Variants in SUGCT observed in about 807,000 individuals in gnomAD.
SUGCT encodes the protein succinyl-CoA:glutarate CoA-transferase.
A neutral mutation model predicts 55.0 loss-of-function variants in SUGCT; 41 were observed. The observed-to-expected ratio is 0.74, with a 90% CI of 0.58 to 0.97. The LOEUF (loss-of-function observed/expected upper bound fraction) is 0.97. Ranked by LOEUF, SUGCT falls within the 50% of genes least tolerant of loss-of-function variation. The probability of loss-of-function intolerance (pLI) is 0.00; values close to 1 mark genes in which losing one functional copy is unlikely to be tolerated. For synonymous variants in SUGCT, 187 were observed against 200.4 expected (o/e 0.93, Z 0.56); for missense variants, 568 against 547.8 (o/e 1.04, Z -0.37).
At chr7:40,609,234 G>C (rs1798658055) in intron 12 of SUGCT, among the ~76,000 whole-genome samples, 1 of 152,106 alleles carries the variant, frequency 6.6e-6, no homozygotes, top group South Asian at 2.1e-4. Context: ...GTAAGTACCA[G>C]AGACCAGGAT....
chr7:40,249,329 A>C lies in SUGCT; in HGVS notation c.576+11603A>C, dbSNP rs1473007779. On this transcript the variant is annotated intron_variant, in intron 7 of 13. Coordinates refer to ENST00000335693, the MANE Select transcript of SUGCT (RefSeq NM_001193313.2). ...ACCAAAAAGCTATATATATATATAT[A>C]TATATATATATATATATAATTATAT... Among the ~76,000 whole-genome samples, 57 of 118,594 alleles carry C rather than the reference A, an allele frequency of 4.8e-4. 4 individuals are homozygous for C. Among genetic ancestry groups the C allele is most frequent in the African/African-American group, 1.7e-3 (49 of 29,266 alleles). The allele number at this position is 118,594 out of a possible 152,430, so 77.8% of individuals were successfully genotyped here.
the SUGCT span, among the ~76,000 whole-genome samples, chr7:40,879,449 A>G: frequency 6.6e-6 from 1 of 152,188 alleles, no homozygotes. Flanking sequence ...TCAGAAATAC[A>G]TGCATGCATG....
chr7:40,781,636 G>A (rs1486412018), intron 13 of SUGCT, among the ~76,000 whole-genome samples: 2 of 152,156 alleles, frequency 1.3e-5, no homozygotes, highest in African/African-American at 2.4e-5. Flanking sequence ...TTCTGAGAAT[G>A]AATAGAGTTT....
intron 9 of SUGCT, among the ~76,000 whole-genome samples, chr7:40,336,472 C>G (rs1039143111): frequency 2.6e-5 from 4 of 152,076 alleles, no homozygotes; most frequent in Non-Finnish European, 4.4e-5. Flanking sequence ...CTGGTTTAGT[C>G]TTGGGAGGGT....
chr7:40,658,336 CT>C (rs1243270064), intron 12 of SUGCT, among the ~76,000 whole-genome samples: 1 of 152,208 alleles, frequency 6.6e-6, no homozygotes, highest in Non-Finnish European at 1.5e-5. Context: ...CCCCTTCCCC[CT>C]TTCCGTCTCT....
At chr7:40,458,197 A>G (rs1371523290) in intron 10 of SUGCT, among the ~76,000 whole-genome samples, 1 of 152,254 alleles carries the variant, frequency 6.6e-6, no homozygotes, top group Non-Finnish European at 1.5e-5. Flanking sequence ...AAGTAAATAT[A>G]TTAATAAAGG....
chr7:40,899,219 G>GCCGC, the SUGCT span, among the ~76,000 whole-genome samples: 1 of 152,126 alleles, frequency 6.6e-6, no homozygotes, highest in Non-Finnish European at 1.5e-5. Flanking sequence ...GGCATCTCTG[G>GCCGC]CCGCCCGCCC....
chr7:40,181,438 T>TA (rs1785198142), intron 2 of SUGCT, among the ~76,000 whole-genome samples: 1 of 152,104 alleles, frequency 6.6e-6, no homozygotes, highest in African/African-American at 2.4e-5. Context: ...TTCCTCAGGA[T>TA]AAAATTCTAG....
chr7:40,165,274 T>C (rs1282431718), intron 1 of SUGCT, among the ~76,000 whole-genome samples: 1 of 152,122 alleles, frequency 6.6e-6, no homozygotes, highest in Non-Finnish European at 1.5e-5. Flanking sequence ...TTGGCTAGTA[T>C]GGGTGGGAAG....
At chr7:40,225,011 G>C (rs137894278) in intron 6 of SUGCT, among the ~76,000 whole-genome samples, 3 of 152,276 alleles carry the variant, frequency 2.0e-5, no homozygotes, top group Non-Finnish European at 2.9e-5. Context: ...AAGACCTTTC[G>C]GTATCACAGA....
At chr7:40,831,407 G>T (rs566607151) in intron 13 of SUGCT, among the ~76,000 whole-genome samples, 2 of 152,346 alleles carry the variant, frequency 1.3e-5, no homozygotes, top group African/African-American at 2.4e-5. Context: ...AAACAGGTTA[G>T]GTTGGAGAGA....
intron 13 of SUGCT, among the ~76,000 whole-genome samples, chr7:40,754,714 G>A (rs956073747): frequency 1.3e-5 from 2 of 152,192 alleles, no homozygotes. Flanking sequence ...CACTTTCAGT[G>A]TGTAACTAAG....
At chr7:41,026,527 A>G in the SUGCT span, among the ~76,000 whole-genome samples, 1 of 152,340 alleles carries the variant, frequency 6.6e-6, no homozygotes, top group South Asian at 2.1e-4. Flanking sequence ...TTCTATTTAT[A>G]TTCAGTGAAA....
the SUGCT span, among the ~76,000 whole-genome samples, chr7:40,986,600 G>A: frequency 2.6e-5 from 4 of 152,288 alleles, no homozygotes; most frequent in Non-Finnish European, 4.4e-5. Context: ...CTCTTCTGAC[G>A]TGTGCTGTAA....
At chr7:40,591,453 C>T (rs1797712882) in intron 12 of SUGCT, among the ~76,000 whole-genome samples, 1 of 152,120 alleles carries the variant, frequency 6.6e-6, no homozygotes, top group South Asian at 2.1e-4. Context: ...TGGTGAAGAT[C>T]CTGTGAACAT....
chr7:40,895,190 C>T, the SUGCT span, among the ~76,000 whole-genome samples: 1 of 152,068 alleles, frequency 6.6e-6, no homozygotes, highest in Non-Finnish European at 1.5e-5. Context: ...AGGCCATTAT[C>T]CTAAGCAAAC....
At chr7:40,682,663 CTTTG>C (rs1784304429) in intron 12 of SUGCT, among the ~76,000 whole-genome samples, 1 of 152,076 alleles carries the variant, frequency 6.6e-6, no homozygotes, top group Non-Finnish European at 1.5e-5. Context: ...AAGAAAAACA[CTTTG>C]TTTTTTTTCT....
At chr7:40,419,816 G>A (rs1214767364) in intron 9 of SUGCT, among the ~76,000 whole-genome samples, 1 of 152,126 alleles carries the variant, frequency 6.6e-6, no homozygotes, top group African/African-American at 2.4e-5. Context: ...TCACAAGAAT[G>A]GTTAATAAAA....
chr7:40,914,627 A>G, the SUGCT span, among the ~76,000 whole-genome samples: 1 of 152,200 alleles, frequency 6.6e-6, no homozygotes, highest in African/African-American at 2.4e-5. Flanking sequence ...GAGGAAGTAG[A>G]GTGGAAGGCA....
Sources: allele counts gnomAD v4.1 joint callset (sites outside exome capture counted in the v4.1 genomes callset), GRCh38; gene constraint gnomAD v4.1.1; transcripts MANE v1.5; gene names NCBI Gene and HGNC (gene_info 2026-07-23, HGNC 2026-07-21).